Variants in CPT1A observed in about 807,000 individuals in gnomAD.
The protein encoded by CPT1A is carnitine palmitoyltransferase 1A, also known as carnitine O-palmitoyltransferase 1, liver isoform.
CPT1A carries 64 observed loss-of-function variants against 100.8 expected under a neutral mutation model. The observed-to-expected ratio is 0.63, with a 90% confidence interval of 0.52 to 0.78. The LOEUF is 0.78. CPT1A is among the 30% of genes least tolerant of loss of function. CPT1A has a pLI of 0.00. For synonymous variants in CPT1A, 363 were observed against 396.0 expected (o/e 0.92, Z 0.99); for missense variants, 802 against 1,034.1 (o/e 0.78, Z 3.08).
intron 18 of CPT1A, among the ~76,000 whole-genome samples, chr11:68,759,090 A>G (rs576415346): frequency 1.3e-5 from 2 of 151,718 alleles, no homozygotes; most frequent in African/African-American, 2.4e-5. Flanking sequence ...TGTACAAACA[A>G]TTTTTTAATT....
intron 1 of CPT1A, among the ~76,000 whole-genome samples, chr11:68,831,861 G>A (rs1856888793): frequency 6.6e-6 from 1 of 152,016 alleles, no homozygotes; most frequent in African/African-American, 2.4e-5. Flanking sequence ...TCGAACTCCT[G>A]ACCCCAAGCG....
At chr11:68,760,774 A>G (rs1188086496) in intron 16 of CPT1A, among the ~76,000 whole-genome samples, 2 of 152,206 alleles carry the variant, frequency 1.3e-5, no homozygotes, top group Admixed American at 6.5e-5. Flanking sequence ...GCACTTTGGG[A>G]ACCCGACGCG....
At chr11:68,830,330 G>A (rs924389752) in intron 1 of CPT1A, among the ~76,000 whole-genome samples, 1 of 151,942 alleles carries the variant, frequency 6.6e-6, no homozygotes, top group Non-Finnish European at 1.5e-5. Context: ...GGTGGAGATC[G>A]CCCACCTGGA....
At chr11:68,792,524 TG>T (rs1217155736) in intron 9 of CPT1A, among the ~76,000 whole-genome samples, 1 of 152,176 alleles carries the variant, frequency 6.6e-6, no homozygotes, top group Non-Finnish European at 1.5e-5. Context: ...CAGCACAGCC[TG>T]GGCCTGGGCC....
At chr11:68,785,444 C>G (rs1262182690) in intron 9 of CPT1A, among the ~76,000 whole-genome samples, 1 of 151,432 alleles carries the variant, frequency 6.6e-6, no homozygotes, top group East Asian at 1.9e-4. Flanking sequence ...ACCTCTAGTC[C>G]CAGCTACTCG....
rs1319575883 is a variant in CPT1A, at chr11:68,839,789, C to T, written c.-14+1986G>A. Reference sequence around the variant, plus strand: ...GGCAGGCCCTCGTTCCAGGGCTCCCCGGAGGCCCAACTTGACCGCTCGGTG... The same window carrying T: ...GGCAGGCCCTCGTTCCAGGGCTCCCTGGAGGCCCAACTTGACCGCTCGGTG... On this transcript the variant is annotated intron_variant, in intron 1 of 18. Transcript: ENST00000265641. 6 of 881,370 alleles carry T rather than the reference C, an allele frequency of 6.8e-6. No individual in the cohort carries two copies. In the East Asian group the frequency reaches 7.2e-4, roughly 106 times the overall value. 54.6% of individuals were successfully genotyped at this position (881,370 alleles called of 1,614,324 possible).
At chr11:68,763,211 G>A (rs1854680887) in intron 14 of CPT1A, among the ~76,000 whole-genome samples, 1 of 152,162 alleles carries the variant, frequency 6.6e-6, no homozygotes, top group African/African-American at 2.4e-5. Flanking sequence ...CGTGGCAGCA[G>A]ACAGGTGTCA....
intron 1 of CPT1A, among the ~76,000 whole-genome samples, chr11:68,838,582 A>AAAAACAAAAAAAAAAC (rs59901493): frequency 1.4e-5 from 2 of 145,290 alleles, no homozygotes; most frequent in African/African-American, 5.1e-5. Flanking sequence ...TAAAAAAAAA[A>AAAAACAAAAAAAAAAC]AAAAAAAAAC....
chr11:68,831,492 A>C (rs1856878421), intron 1 of CPT1A, among the ~76,000 whole-genome samples: 1 of 152,226 alleles, frequency 6.6e-6, no homozygotes, highest in Non-Finnish European at 1.5e-5. Flanking sequence ...ATATGTAAAT[A>C]ATTTCTGAGT....
At chr11:68,793,167 A>G in intron 9 of CPT1A, 148 bp downstream of exon 9, 1 of 618,822 alleles carries the variant, frequency 1.6e-6, no homozygotes, top group Non-Finnish European at 2.9e-6. Context: ...AGACAGACAA[A>G]GGAAATTCAG....
chr11:68,786,369 A>G (rs1245360104), intron 9 of CPT1A, among the ~76,000 whole-genome samples: 2 of 152,184 alleles, frequency 1.3e-5, no homozygotes, highest in Non-Finnish European at 2.9e-5. Flanking sequence ...TCAAACAAAC[A>G]AACAAAAACA....
chr11:68,783,642 GTGTCCCCC>G (rs1218831801), intron 10 of CPT1A, among the ~76,000 whole-genome samples: 1 of 152,236 alleles, frequency 6.6e-6, no homozygotes, highest in Non-Finnish European at 1.5e-5. Flanking sequence ...GGGGACAACA[GTGTCCCCC>G]TGATGCTGGG....
chr11:68,763,053 T>C (rs1432189880), intron 14 of CPT1A, among the ~76,000 whole-genome samples: 9 of 152,172 alleles, frequency 5.9e-5, no homozygotes, highest in Admixed American at 5.9e-4. Flanking sequence ...TTTCACCACA[T>C]TGCCCAGGCT....
rs932918891 is a variant in CPT1A, at chr11:68,759,766, C to T, written c.2143-105G>A. 8 of 833,800 alleles carry T rather than the reference C, an allele frequency of 9.6e-6. 1 individual carries two copies. Among genetic ancestry groups the T allele is most frequent in the Non-Finnish European group, 1.6e-5 (8 of 489,536 alleles). 51.7% of individuals were successfully genotyped at this position (833,800 alleles called of 1,614,324 possible). ...ACACTGGCGGGGCTCGGTGGCTTCT[C>T]CTTGTAATCCCAGCATTTTGGGAGG... On this transcript the variant is annotated intron_variant, in intron 17 of 18. Coordinates refer to ENST00000265641, the MANE Select transcript of CPT1A (RefSeq NM_001876.4).
intron 15 of CPT1A, 26 bp downstream of exon 15, chr11:68,762,601 G>T: frequency 1.2e-6 from 2 of 1,612,526 alleles, no homozygotes; most frequent in Non-Finnish European, 8.5e-7. Flanking sequence ...CAAGCACGTT[G>T]TGTCCTCAGC....
intron 4 of CPT1A, among the ~76,000 whole-genome samples, chr11:68,805,037 C>T (rs1464877160): frequency 1.3e-5 from 2 of 152,182 alleles, no homozygotes; most frequent in Non-Finnish European, 2.9e-5. Flanking sequence ...GGAGGGAGTG[C>T]CCTTTAGCCT....
chr11:68,797,057 A>G (rs1855774272), intron 6 of CPT1A, 124 bp from the exon 7 acceptor site: 3 of 838,788 alleles, frequency 3.6e-6, no homozygotes, highest in African/African-American at 1.7e-5. Context: ...GGCGTCTAAC[A>G]GGGGCCATTC....
chr11:68,842,236 CT>C (rs1467179434), upstream of CPT1A, among the ~76,000 whole-genome samples: 1 of 152,190 alleles, frequency 6.6e-6, no homozygotes, highest in Non-Finnish European at 1.5e-5. Context: ...CAGGCACCCC[CT>C]GATGGTATTC....
chr11:68,777,914 T>C (rs1855184108), intron 12 of CPT1A, among the ~76,000 whole-genome samples: 1 of 152,186 alleles, frequency 6.6e-6, no homozygotes, highest in South Asian at 2.1e-4. Context: ...CCAGAGACAC[T>C]GAAGGCAGCT....
Sources: allele counts gnomAD v4.1 joint callset (sites outside exome capture counted in the v4.1 genomes callset), GRCh38; gene constraint gnomAD v4.1.1; transcripts MANE v1.5; gene names NCBI Gene and HGNC (gene_info 2026-07-23, HGNC 2026-07-21).